SYNE3: variants seen among roughly 807,000 people sequenced by gnomAD.
The protein encoded by SYNE3 is nesprin-3.
In SYNE3, 100 loss-of-function variants were observed where a neutral mutation model predicts 111.2. The ratio of observed to expected loss-of-function variants is 0.90; its 90% CI spans 0.77 to 1.06. The LOEUF (loss-of-function observed/expected upper bound fraction) is 1.06. Ranked by LOEUF, SYNE3 falls within the 50% of genes least tolerant of loss-of-function variation. The probability of loss-of-function intolerance (pLI) is 0.00; values close to 1 mark genes in which losing one functional copy is unlikely to be tolerated. For missense variants in SYNE3, 1,160 were observed against 1,240.3 expected (o/e 0.94, Z 0.97); for synonymous variants, 547 against 533.9 (o/e 1.02, Z -0.34).
At chr14:95,491,924 T>C (rs1310485405) in intron 1 of SYNE3, among the ~76,000 whole-genome samples, 2 of 152,240 alleles carry the variant, frequency 1.3e-5, no homozygotes, top group East Asian at 3.9e-4. Flanking sequence ...GACAACCCAA[T>C]TATAAAATAG....
At chr14:95,440,493 A>T (rs779083639) in intron 11 of SYNE3, among the ~76,000 whole-genome samples, 1 of 152,220 alleles carries the variant, frequency 6.6e-6, no homozygotes, top group Non-Finnish European at 1.5e-5. Context: ...CCAAGGTCAT[A>T]CATGTGACAG....
chr14:95,510,318 G>A (rs1199105534), intron 1 of SYNE3, among the ~76,000 whole-genome samples: 2 of 152,136 alleles, frequency 1.3e-5, no homozygotes, highest in Non-Finnish European at 2.9e-5. Context: ...CCTGGGCCCA[G>A]GTCTCCACTG....
intron 1 of SYNE3, among the ~76,000 whole-genome samples, chr14:95,514,132 G>A (rs543727316): frequency 2.0e-4 from 31 of 152,242 alleles, no homozygotes; most frequent in African/African-American, 6.3e-4. Context: ...GGGTGACCAG[G>A]AACCTGGGAA....
rs1903463210 is a variant in SYNE3 at position 95,412,557 on chromosome 14, G to A, written c.*5269C>T. The A allele has an allele frequency of 6.6e-6, 1 of 152,366 alleles. No homozygotes were observed. The highest frequency in any genetic ancestry group is 1.5e-5 in the Non-Finnish European group (1 of 68,064). 9.4% of individuals were successfully genotyped at this position (152,366 alleles called of 1,614,324 possible). On this transcript the variant is annotated 3_prime_UTR_variant, in exon 18 of 18. Transcript: ENST00000682763. ...GAGAGAAAGCCGCAGACCCCGGACA[G>A]CATCCGAATGGCCAGTGGGAAGGCA... is the stretch of plus-strand genomic sequence containing the variant.
At chr14:95,462,396 C>G (rs574483185) in intron 4 of SYNE3, among the ~76,000 whole-genome samples, 1 of 152,326 alleles carries the variant, frequency 6.6e-6, no homozygotes, top group South Asian at 2.1e-4. Flanking sequence ...GCTGAGAAAG[C>G]CAAAACTGAA....
intron 1 of SYNE3, among the ~76,000 whole-genome samples, chr14:95,513,738 TA>T (rs1890805958): frequency 7.6e-4 from 3 of 3,968 alleles, no homozygotes; most frequent in Admixed American, 0.01. Context: ...CTGCTTAGAT[TA>T]TATATATATA....
At chr14:95,436,102 G>T (rs985347152) in intron 15 of SYNE3, among the ~76,000 whole-genome samples, 5 of 152,210 alleles carry the variant, frequency 3.3e-5, no homozygotes, top group African/African-American at 1.2e-4. Context: ...AAAAATGGCT[G>T]TGACTTTCCC....
rs1394468864 is a variant in SYNE3, at chr14:95,470,091, C to T, written c.145-2124G>A. On this transcript the variant is annotated intron_variant, in intron 2 of 17. Coordinates refer to ENST00000682763, the MANE Select transcript of SYNE3 (RefSeq NM_152592.6). The surrounding 1 kb of genome is among the most constrained non-coding windows in gnomAD (Gnocchi z 4.2). ...CCAAGTAGCAGGATGTGGCAGGGGC[C>T]CAGGGGGTGGTGGCCACAGCAAGTA... is the stretch of plus-strand genomic sequence containing the variant. 6.6e-6 allele frequency among the ~76,000 whole-genome samples: 1 copy of T among 152,080 alleles called. No individual in the cohort carries two copies. The highest frequency in any genetic ancestry group is 1.5e-5 in the Non-Finnish European group (1 of 68,008).
chr14:95,479,444 C>T (rs569624789), intron 1 of SYNE3, among the ~76,000 whole-genome samples: 33 of 152,134 alleles, frequency 2.2e-4, no homozygotes, highest in Non-Finnish European at 4.0e-4. Flanking sequence ...TTTTACCAAA[C>T]GCACAGGTGT....
chr14:95,453,439 A>C (rs1174538473), intron 6 of SYNE3, among the ~76,000 whole-genome samples: 1 of 152,196 alleles, frequency 6.6e-6, no homozygotes, highest in Non-Finnish European at 1.5e-5. Context: ...GCACAAATAG[A>C]GGGAAGGATT....
chr14:95,427,729 C>T (rs1401382918), intron 17 of SYNE3, among the ~76,000 whole-genome samples: 1 of 152,060 alleles, frequency 6.6e-6, no homozygotes, highest in East Asian at 1.9e-4. Context: ...TAAATAACAG[C>T]ACAGCCTGGC....
chr14:95,488,986 A>G, intron 1 of SYNE3, among the ~76,000 whole-genome samples: 1 of 152,254 alleles, frequency 6.6e-6, no homozygotes, highest in Middle Eastern at 3.4e-3. Flanking sequence ...AGCACTTCCC[A>G]GGGATCTCCT....
At chr14:95,495,557 C>T (rs145312475) in intron 1 of SYNE3, among the ~76,000 whole-genome samples, 2 of 152,326 alleles carry the variant, frequency 1.3e-5, no homozygotes, top group African/African-American at 2.4e-5. Context: ...TGAAGGCCCC[C>T]ATCAACCTTC....
rs530103915 is a variant in SYNE3 at position 95,444,642 on chromosome 14, G to A, written c.1633-14C>T. Reference sequence around the variant, plus strand: ...AGCGAGCAGGCTCTGCAGAGACACAGGACAGTGTGCACATTAAGAGCGTTC... The same window carrying A: ...AGCGAGCAGGCTCTGCAGAGACACAAGACAGTGTGCACATTAAGAGCGTTC... On this transcript the variant is annotated splice_polypyrimidine_tract_variant and intron_variant, in intron 9 of 17. Transcript: ENST00000682763. 2.5e-6 allele frequency: 4 copies of A among 1,574,832 alleles called. No individual in the cohort carries two copies. The South Asian group carries it at 3.4e-5, about 14-fold the overall frequency.
intron 7 of SYNE3, chr14:95,451,053 T>C (rs1887043923): frequency 6.6e-6 from 1 of 152,156 alleles, no homozygotes; most frequent in Admixed American, 6.5e-5. Context: ...CTGGAAGAAA[T>C]AGCTACAAAA....
intron 1 of SYNE3, among the ~76,000 whole-genome samples, chr14:95,495,356 T>A (rs1340932042): frequency 2.6e-5 from 4 of 152,252 alleles, no homozygotes. Context: ...GCTGCTACCC[T>A]GTCTCCTGCT....
chr14:95,454,800 G>A lies in SYNE3; in HGVS notation c.1137+577C>T, dbSNP rs529289735. Among the ~76,000 whole-genome samples the A allele has an allele frequency of 1.1e-4, 16 of 152,256 alleles. No individual in the cohort carries two copies. In the South Asian group the frequency reaches 3.3e-3, roughly 32 times the overall value. On this transcript the variant is annotated intron_variant, in intron 6 of 17. Coordinates refer to ENST00000682763, the MANE Select transcript of SYNE3 (RefSeq NM_152592.6). ...AATAAATAAAGACAGAGGTGGGGAG[G>A]GCCGTTGCTTCTTATTTTAAAACTC...
chr14:95,442,735 C>T (rs17092267), intron 11 of SYNE3, among the ~76,000 whole-genome samples: 47,318 of 152,162 alleles, frequency 0.31, 7,544 homozygotes, highest in East Asian at 0.49. Context: ...GCCTCCAGGC[C>T]TTGTGCAGGC....
rs377767070 is a variant in SYNE3 at position 95,419,712 on chromosome 14, G to A, written c.2728-1686C>T. Reference sequence around the variant, plus strand: ...TAATGATCATGACGCTAATGGTGGTGGGGTGGGGGTGGGGTGGTGAGAGTA... The same window carrying A: ...TAATGATCATGACGCTAATGGTGGTAGGGTGGGGGTGGGGTGGTGAGAGTA... On this transcript the variant is annotated intron_variant, in intron 17 of 17. Coordinates refer to ENST00000682763, the MANE Select transcript of SYNE3 (RefSeq NM_152592.6). Among the ~76,000 whole-genome samples, 716 of 148,134 alleles carry A rather than the reference G, an allele frequency of 4.8e-3. 5 individuals are homozygous for A. The highest frequency in any genetic ancestry group is 7.9e-3 in the Non-Finnish European group (525 of 66,842).
Sources: allele counts gnomAD v4.1 joint callset (sites outside exome capture counted in the v4.1 genomes callset), GRCh38; gene constraint gnomAD v4.1.1; non-coding constraint Gnocchi (gnomAD v3.1); transcripts MANE v1.5; gene names NCBI Gene and HGNC (gene_info 2026-07-23, HGNC 2026-07-21).